The following COL4A3 variants were observed in gnomAD, a reference collection of about 807,000 sequenced individuals.
The protein encoded by COL4A3 is collagen type IV alpha 3 chain, also known as collagen alpha-3(IV) chain.
In COL4A3, 135 loss-of-function variants were observed where a neutral mutation model predicts 217.4. The ratio of observed to expected loss-of-function variants is 0.62; its 90% CI spans 0.54 to 0.72. The LOEUF is 0.72. Among genes scored for constraint, COL4A3 ranks in the 30% least tolerant of loss-of-function variants. COL4A3 has a pLI of 0.00. For missense variants in COL4A3, 1,868 were observed against 2,119.9 expected (o/e 0.88, Z 2.33); for synonymous variants, 690 against 736.3 (o/e 0.94, Z 1.02).
chr2:227,202,781 T>C lies in COL4A3; in HGVS notation c.88-35187T>C, dbSNP rs2066758967. Among the ~76,000 whole-genome samples the C allele has an allele frequency of 3.0e-5, 4 of 133,530 alleles. 1 individual carries two copies. The South Asian group carries it at 9.2e-4, about 31-fold the overall frequency. 87.6% of individuals were successfully genotyped at this position (133,530 alleles called of 152,430 possible). A position where few individuals can be genotyped will look rare whatever the true frequency, so the allele number is the denominator to read the frequency against. ...TATATATATATATATATCACATATA[T>C]ATACACATGTGTATATATATAATAT... On this transcript the variant is annotated intron_variant, in intron 1 of 51. Transcript: ENST00000396578.
At chr2:227,258,364 G>A (rs1397155840) in intron 18 of COL4A3, among the ~76,000 whole-genome samples, 1 of 152,204 alleles carries the variant, frequency 6.6e-6, no homozygotes, top group East Asian at 1.9e-4. Context: ...GCTCAGTAAT[G>A]TAACTCAGGA....
At chr2:227,212,140 C>T (rs56839297) in intron 1 of COL4A3, among the ~76,000 whole-genome samples, 11,586 of 151,116 alleles carry the variant, frequency 0.077, 640 homozygotes, top group African/African-American at 0.16. Context: ...AATGACTGCA[C>T]GTATCTTTTC....
At chr2:227,290,987 C>T (rs1314445080) in intron 37 of COL4A3, 101 bp downstream of exon 37, 15 of 1,312,196 alleles carry the variant, frequency 1.1e-5, no homozygotes, top group Non-Finnish European at 1.5e-5. Flanking sequence ...AAAATTGAAA[C>T]TGTTACTATA....
At chr2:227,256,226 A>G (rs1377357307) in intron 16 of COL4A3, 117 bp from the exon 17 acceptor site, 1 of 1,140,236 alleles carries the variant, frequency 8.8e-7, no homozygotes, top group Admixed American at 1.8e-5. Flanking sequence ...CCCCACTGTG[A>G]AGAGAGATCA....
At chr2:227,254,875 C>CGTTCAAGGCTAAAACAGG (rs1431654396) in intron 15 of COL4A3, among the ~76,000 whole-genome samples, 160 bp downstream of exon 15, 6 of 152,164 alleles carry the variant, frequency 3.9e-5, no homozygotes. Flanking sequence ...GTATCTAAGA[C>CGTTCAAGGCTAAAACAGG]GTTCAAGGCT....
At chr2:227,226,666 C>T in intron 1 of COL4A3, among the ~76,000 whole-genome samples, 1 of 152,168 alleles carries the variant, frequency 6.6e-6, no homozygotes. Context: ...GACGGGGTTT[C>T]CCCCAGTTGG....
Position 227,284,137 on chromosome 2 carries a change from G to T in COL4A3, c.2747-74G>T, listed in dbSNP as rs575418754. 103 of 1,589,912 alleles carry T rather than the reference G, an allele frequency of 6.5e-5. 1 individual carries two copies. In the African/African-American group the frequency reaches 9.5e-4, roughly 15 times the overall value. On this transcript the variant is annotated intron_variant, in intron 33 of 51. Transcript: ENST00000396578. ...TTTGATTTGTTCTGTTTTATAGTAA[G>T]CACTGCCAACTTTTTAATCCCTATG...
intron 8 of COL4A3, among the ~76,000 whole-genome samples, chr2:227,248,109 C>A (rs1574679923): frequency 6.6e-6 from 1 of 151,922 alleles, no homozygotes; most frequent in East Asian, 1.9e-4. Context: ...CCAGCTAATT[C>A]TTGTATTTTT....
At chr2:227,226,768 C>T (rs2068117031) in intron 1 of COL4A3, among the ~76,000 whole-genome samples, 1 of 152,146 alleles carries the variant, frequency 6.6e-6, no homozygotes, top group Admixed American at 6.5e-5. Flanking sequence ...CCGCACCTGG[C>T]CTCTATCTTA....
chr2:227,198,957 G>A (rs1052267884), intron 1 of COL4A3, among the ~76,000 whole-genome samples: 7 of 152,160 alleles, frequency 4.6e-5, no homozygotes, highest in South Asian at 4.2e-4. Context: ...TGGCTGGAAA[G>A]GGAGGTGAAT....
intron 1 of COL4A3, among the ~76,000 whole-genome samples, chr2:227,194,509 G>A (rs1208334039): frequency 6.6e-6 from 1 of 152,196 alleles, no homozygotes; most frequent in Non-Finnish European, 1.5e-5. Flanking sequence ...GAAAGCTCAG[G>A]ACCCCCTTGT....
chr2:227,276,347 A>T (rs750229555), intron 26 of COL4A3, 38 bp from the exon 27 acceptor site: 9 of 1,428,812 alleles, frequency 6.3e-6, no homozygotes, highest in Non-Finnish European at 8.9e-6. Flanking sequence ...ACAAGCTTCA[A>T]TATATACCCC....
intron 34 of COL4A3, among the ~76,000 whole-genome samples, chr2:227,287,796 T>C (rs945559416): frequency 1.3e-5 from 2 of 152,178 alleles, no homozygotes; most frequent in African/African-American, 4.8e-5. Flanking sequence ...AACTCTAGTA[T>C]AGAGTTTATC....
intron 1 of COL4A3, among the ~76,000 whole-genome samples, chr2:227,236,156 T>G (rs143148122): frequency 0.012 from 1,756 of 152,330 alleles, 21 homozygotes; most frequent in African/African-American, 0.04. Flanking sequence ...TTGATGGGCA[T>G]CTGGGCTGGT....
At chr2:227,199,266 G>C (rs897509565) in intron 1 of COL4A3, among the ~76,000 whole-genome samples, 2 of 152,170 alleles carry the variant, frequency 1.3e-5, no homozygotes, top group Non-Finnish European at 2.9e-5. Context: ...TTTTATAGCA[G>C]AGTTAGTCAT....
intron 1 of COL4A3, among the ~76,000 whole-genome samples, chr2:227,166,383 G>A (rs113345186): frequency 4.5e-4 from 67 of 148,488 alleles, no homozygotes; most frequent in African/African-American, 1.7e-3. Flanking sequence ...AAGGAAATGT[G>A]TGTTGTGGGG....
chr2:227,197,645 T>C (rs1013092986), intron 1 of COL4A3, among the ~76,000 whole-genome samples: 2 of 152,196 alleles, frequency 1.3e-5, no homozygotes, highest in African/African-American at 2.4e-5. Context: ...CATAATCTTA[T>C]CCCTAAGGTT....
In COL4A3 at chr2:227,290,872, C is replaced by T. The variant is rs377003650; in HGVS notation, c.3196C>T (p.Pro1066Ser). Residue 1066 changes from proline to serine, a missense_variant, in exon 37 of 52, where the codon CCA becomes TCA. Physicochemically the swap from Pro to Ser is moderately conservative, Grantham distance 74. Coordinates refer to ENST00000396578, the MANE Select transcript of COL4A3 (RefSeq NM_000091.5). ...PGYSEGTRPG[P>S]PGPTGDPGLP... ...TTATTCAGAAGGTACAAGGCCAGGA[C>T]CACCGGGACCAACGGTATATAGGCC... The T allele has an allele frequency of 9.7e-5, 156 of 1,612,466 alleles. No individual in the cohort carries two copies. The highest frequency in any genetic ancestry group is 3.8e-5 in the Non-Finnish European group (45 of 1,179,694).
At chr2:227,211,529 A>G (rs967598185) in intron 1 of COL4A3, among the ~76,000 whole-genome samples, 1 of 152,200 alleles carries the variant, frequency 6.6e-6, no homozygotes, top group African/African-American at 2.4e-5. Flanking sequence ...ATGCATATAC[A>G]TTTATCTTTA....
Sources: allele counts gnomAD v4.1 joint callset (sites outside exome capture counted in the v4.1 genomes callset), GRCh38; gene constraint gnomAD v4.1.1; transcripts MANE v1.5; gene names NCBI Gene and HGNC (gene_info 2026-07-23, HGNC 2026-07-21).